SMIM7: variants seen among roughly 807,000 people sequenced by gnomAD.
The protein encoded by SMIM7 is small integral membrane protein 7, also known as UPF0608 protein C19orf42.
In SMIM7, 12 loss-of-function variants were observed where a neutral mutation model predicts 13.3. That is an observed-to-expected ratio of 0.90 (90% CI 0.58 to 1.46). The LOEUF is 1.46. SMIM7 is among the 40% of genes most tolerant of loss of function. The pLI is 0.00. For missense variants in SMIM7, 114 were observed against 94.8 expected (o/e 1.20, Z -0.84); for synonymous variants, 36 against 35.8 (o/e 1.01, Z -0.02).
intron 4 of SMIM7, among the ~76,000 whole-genome samples, chr19:16,637,873 A>C (rs1470571011): frequency 2.0e-5 from 3 of 152,210 alleles, no homozygotes; most frequent in Non-Finnish European, 4.4e-5. Context: ...CATATGCTGA[A>C]GCTCTGACCT....
chr19:16,649,704 A>G (rs535148125), intron 4 of SMIM7, among the ~76,000 whole-genome samples: 27 of 152,354 alleles, frequency 1.8e-4, no homozygotes, highest in African/African-American at 6.5e-4. Flanking sequence ...CTTTCATAAT[A>G]GCTAAAAAAT....
rs566164208 is a variant in SMIM7 at position 16,659,225 on chromosome 19, G to A, written c.121+170C>T. 4.6e-4 allele frequency: 316 copies of A among 690,166 alleles called. No individual in the cohort carries two copies. The African/African-American group carries it at 4.8e-3, about 11-fold the overall frequency. The allele number at this position is 690,166 out of a possible 1,614,324, so 42.8% of individuals were successfully genotyped here. ...TTTAGCTCAGGAGGTCGAGTCTGCAGTGAGCCATGATCGCACCACTGCACT... is the reference window on the plus strand; with the variant it reads ...TTTAGCTCAGGAGGTCGAGTCTGCAATGAGCCATGATCGCACCACTGCACT... On this transcript the variant is annotated intron_variant, in intron 3 of 4. Coordinates refer to ENST00000487416, the MANE Select transcript of SMIM7 (RefSeq NM_024104.4).
In SMIM7 at chr19:16,638,764, A is replaced by C. The variant is rs183214947; in HGVS notation, c.*138-7040T>G. The stretch of plus-strand genomic sequence containing the variant: ...TAAAAGCAACAACATTAATAAAAAC[A>C]GTGACAACTACTGAGTGGCTGCCCA... On this transcript the variant is annotated intron_variant and NMD_transcript_variant, in intron 4 of 4. Coordinates refer to the SMIM7 transcript ENST00000465250. 3.3e-5 allele frequency: 5 copies of C among 152,374 alleles called. No homozygotes were observed. The East Asian group carries it at 9.6e-4, about 29-fold the overall frequency. The allele number at this position is 152,374 out of a possible 1,614,324, so 9.4% of individuals were successfully genotyped here.
At chr19:16,635,662 A>G (rs554861303) in intron 4 of SMIM7, among the ~76,000 whole-genome samples, 2 of 151,970 alleles carry the variant, frequency 1.3e-5, no homozygotes, top group East Asian at 3.9e-4. Context: ...CGGGCGGATC[A>G]CTTGAGGTCA....
intron 4 of SMIM7, chr19:16,653,096 G>T: frequency 9.4e-7 from 1 of 1,067,484 alleles, no homozygotes; most frequent in Admixed American, 2.5e-5. Context: ...GGCAGATGCA[G>T]AAGAACTGGT....
At chr19:16,633,465 GAAAAAAA>G (rs869067591) in intron 4 of SMIM7, among the ~76,000 whole-genome samples, 1 of 87,672 alleles carries the variant, frequency 1.1e-5, no homozygotes, top group East Asian at 3.6e-4. Flanking sequence ...CAAAAAAAAA[GAAAAAAA>G]AAAAAAAAAA....
At chr19:16,643,569 G>C (rs1457055527), downstream of SMIM7, among the ~76,000 whole-genome samples, 1 of 152,004 alleles carries the variant, frequency 6.6e-6, no homozygotes, top group Non-Finnish European at 1.5e-5. Context: ...GCTAATATAT[G>C]TATGTTTAGT....
rs754586478 is a variant in SMIM7, at chr19:16,659,446, T to C, written c.70A>G (p.Lys24Glu). Residue 24 changes from lysine to glutamate, a missense_variant and splice_region_variant, in exon 3 of 5, where the codon AAA (lysine) becomes GAA (glutamate). Physicochemically the swap from Lys to Glu is moderately conservative, Grantham distance 56. Transcript: ENST00000487416. The stretch of plus-strand genomic sequence containing the variant: ...CCAAAGCCCTGCGTGTCCTTCTTTT[T>C]CCTACAAAGAGGAGCAGACAGTGTC... ...NAGAVLNFKL[K>E]KKDTQGFGEE... 5 of 1,613,130 alleles carry C rather than the reference T, an allele frequency of 3.1e-6. No homozygotes were observed. The South Asian group carries it at 5.5e-5, about 18-fold the overall frequency.
In SMIM7 at chr19:16,647,099, G is replaced by T; in HGVS notation, c.*147C>A. ...GTGGCTGGGAAACCATGCACACCTCGGCGAACACTTTTCCACCCACCACGA... is the reference window on the plus strand; with the variant it reads ...GTGGCTGGGAAACCATGCACACCTCTGCGAACACTTTTCCACCCACCACGA... On this transcript the variant is annotated 3_prime_UTR_variant, in exon 5 of 5. Transcript: ENST00000487416. 2.0e-6 allele frequency: 2 copies of T among 990,760 alleles called. No individual in the cohort carries two copies. The highest frequency in any genetic ancestry group is 2.5e-5 in the East Asian group (1 of 40,610). 61.4% of individuals were successfully genotyped at this position (990,760 alleles called of 1,614,324 possible).
downstream of SMIM7, among the ~76,000 whole-genome samples, chr19:16,644,426 C>G (rs989473279): frequency 1.3e-5 from 2 of 148,610 alleles, no homozygotes; most frequent in African/African-American, 2.5e-5. Flanking sequence ...TGCACTCAGT[C>G]TGTTTGTAAC....
rs549924860 is a variant in SMIM7 at position 16,634,669 on chromosome 19, T to C, written c.*138-2945A>G. On this transcript the variant is annotated intron_variant and NMD_transcript_variant, in intron 4 of 4. Transcript: ENST00000465250. ...GGTGGATGCCTGGAGTCTCAGCTATTTGGGAGGCTGAGGTAGGAGAACCAC... is the reference window on the plus strand; with the variant it reads ...GGTGGATGCCTGGAGTCTCAGCTATCTGGGAGGCTGAGGTAGGAGAACCAC... 2.0e-5 allele frequency: 3 copies of C among 150,562 alleles called. No homozygotes were observed. In the East Asian group the frequency reaches 5.8e-4, roughly 29 times the overall value. 9.3% of individuals were successfully genotyped at this position (150,562 alleles called of 1,614,324 possible).
At chr19:16,652,577 C>G in intron 4 of SMIM7, 1 of 1,181,982 alleles carries the variant, frequency 8.5e-7, no homozygotes, top group East Asian at 5.0e-5. Flanking sequence ...CATACATGCT[C>G]TCAGATCCTC....
chr19:16,659,308 A>T, intron 3 of SMIM7, 87 bp downstream of exon 3: 2 of 1,129,260 alleles, frequency 1.8e-6, no homozygotes, highest in Non-Finnish European at 2.5e-6. Context: ...AAAAAAAGAG[A>T]AAGAAAGAAA....
At chr19:16,657,433 T>C (rs1451192248) in intron 3 of SMIM7, among the ~76,000 whole-genome samples, 1 of 152,170 alleles carries the variant, frequency 6.6e-6, no homozygotes, top group Non-Finnish European at 1.5e-5. Flanking sequence ...AAGTAACACA[T>C]GGCTGCTGAG....
chr19:16,659,506 G>A, intron 2 of SMIM7, 59 bp from the exon 3 acceptor site: 2 of 1,548,390 alleles, frequency 1.3e-6, no homozygotes, highest in Non-Finnish European at 1.8e-6. Flanking sequence ...TCAGCCCCCT[G>A]ACCCCCAGCT....
intron 3 of SMIM7, among the ~76,000 whole-genome samples, chr19:16,658,039 A>G (rs1331507314): frequency 6.6e-6 from 1 of 152,176 alleles, no homozygotes; most frequent in Non-Finnish European, 1.5e-5. Flanking sequence ...TGTCTCTAAA[A>G]GAAGAAAACC....
intron 4 of SMIM7, among the ~76,000 whole-genome samples, chr19:16,633,445 G>C (rs200843908): frequency 8.3e-6 from 1 of 120,312 alleles, no homozygotes; most frequent in Non-Finnish European, 1.6e-5. Flanking sequence ...AACAGAGTGA[G>C]AATCTGTCTC....
downstream of SMIM7, among the ~76,000 whole-genome samples, chr19:16,643,171 A>C (rs376853146): frequency 5.1e-4 from 78 of 152,314 alleles, no homozygotes; most frequent in East Asian, 8.3e-3. Context: ...GAGGATATGG[A>C]AGTATGGTTA....
At chr19:16,639,984 T>C (rs2086393744) in intron 4 of SMIM7, 1 of 152,026 alleles carries the variant, frequency 6.6e-6, no homozygotes, top group African/African-American at 2.4e-5. Flanking sequence ...AGTTTTGCTC[T>C]TGTTGCCCAG....
Sources: allele counts gnomAD v4.1 joint callset (sites outside exome capture counted in the v4.1 genomes callset), GRCh38; gene constraint gnomAD v4.1.1; transcripts MANE v1.5; gene names NCBI Gene and HGNC (gene_info 2026-07-23, HGNC 2026-07-21).